GSKIP: variants seen among roughly 807,000 people sequenced by gnomAD.
The protein encoded by GSKIP is GSK3B-interacting protein.
Under a neutral mutation model 11.9 loss-of-function variants are expected in GSKIP, and 5 were observed. The ratio of observed to expected loss-of-function variants is 0.42; its 90% confidence interval spans 0.22 to 0.89. The LOEUF is 0.89. Among genes scored for constraint, GSKIP ranks in the 40% least tolerant of loss-of-function variants. The pLI is 0.29. For missense variants in GSKIP, 150 were observed against 166.6 expected, an observed-to-expected ratio of 0.90 and a Z score of 0.55; for synonymous variants, 70 against 62.9, an observed-to-expected ratio of 1.11 and a Z score of -0.54.
At chr14:96,373,878 A>G (rs1402502389) in intron 1 of GSKIP, among the ~76,000 whole-genome samples, 2 of 152,246 alleles carry the variant, frequency 1.3e-5, no homozygotes, top group African/African-American at 2.4e-5. Context: ...TTTTCTCACC[A>G]TGCGTCTAAC....
chr14:96,373,922 A>G (rs1452401986), intron 1 of GSKIP, among the ~76,000 whole-genome samples: 1 of 152,254 alleles, frequency 6.6e-6, no homozygotes, highest in Non-Finnish European at 1.5e-5. Flanking sequence ...AATAATATAA[A>G]AACATTCAGC....
chr14:96,384,433 T>G, intron 3 of GSKIP, among the ~76,000 whole-genome samples: 1 of 152,098 alleles, frequency 6.6e-6, no homozygotes, highest in East Asian at 1.9e-4. Flanking sequence ...TAACACAAAC[T>G]TTCACCTCCT....
intron 1 of GSKIP, among the ~76,000 whole-genome samples, chr14:96,370,993 A>C (rs766072358): frequency 3.4e-4 from 52 of 152,340 alleles, no homozygotes; most frequent in Admixed American, 8.5e-4. Flanking sequence ...AGCCATTCTT[A>C]CTTGAATTAC....
intron 1 of GSKIP, among the ~76,000 whole-genome samples, chr14:96,375,130 A>G (rs1170902187): frequency 6.6e-6 from 1 of 152,196 alleles, no homozygotes; most frequent in Non-Finnish European, 1.5e-5. Flanking sequence ...TGTATACTAT[A>G]AGCTTTAAAG....
At position 96,363,526 on chromosome 14, in the gene GSKIP, A is replaced by T. The variant is rs1416611379; in HGVS notation, c.-145A>T. 6.5e-6 allele frequency: 1 copy of T among 153,570 alleles called. No individual in the cohort carries two copies. Among genetic ancestry groups the T allele is most frequent in the East Asian group, 1.9e-4 (1 of 5,186 alleles). The allele number at this position is 153,570 out of a possible 1,614,324, so 9.5% of individuals were successfully genotyped here. On this transcript the variant is annotated 5_prime_UTR_variant, in exon 1 of 4. Transcript: ENST00000555181. ...GGGGGCGGCACCGCCGGTCGGCTCC[A>T]GTCGCCTCCGGAGGAAGGAAGAAGA...
At chr14:96,372,127 T>C (rs1005436268) in intron 1 of GSKIP, among the ~76,000 whole-genome samples, 8 of 152,298 alleles carry the variant, frequency 5.3e-5, no homozygotes, top group African/African-American at 1.7e-4. Flanking sequence ...GATATTGATA[T>C]AGTAACAGTG....
In GSKIP at chr14:96,382,430, T is replaced by C. The variant is rs1183916177; in HGVS notation, c.183T>C (p.Asp61=). 1.2e-6 allele frequency: 2 copies of C among 1,613,150 alleles called. No individual in the cohort carries two copies. Among genetic ancestry groups the C allele is most frequent in the African/African-American group, 1.3e-5 (1 of 74,884 alleles). ...MFVSKSLRCA[D]DVAYINVETK... ...TCTCGAAAAGCCTGCGGTGTGCGGA[T>C]GATGTGGCCTATATCAATGTGGAAA... Residue 61 remains aspartate, a synonymous_variant, in exon 3 of 4, where the codon GAT becomes GAC. Coordinates refer to ENST00000555181, the MANE Select transcript of GSKIP (RefSeq NM_016472.5).
In GSKIP at chr14:96,386,649, A is replaced by G. The variant is rs553147938; in HGVS notation, c.*965A>G. On this transcript the variant is annotated 3_prime_UTR_variant, in exon 4 of 4. Coordinates refer to ENST00000555181, the MANE Select transcript of GSKIP (RefSeq NM_016472.5). ...AACAGATGTACAGTGTTCTGTCTCC[A>G]TTCGAAATCTACAATGTAATATGAG... 5 of 152,768 alleles carry G rather than the reference A, an allele frequency of 3.3e-5. No homozygotes were observed. The East Asian group carries it at 5.8e-4, about 18-fold the overall frequency. The allele number at this position is 152,768 out of a possible 1,614,324, so 9.5% of individuals were successfully genotyped here. A position where few individuals can be genotyped will look rare whatever the true frequency, so the allele number is the denominator to read the frequency against.
At chr14:96,368,184 CTTTTT>C (rs398057422) in intron 1 of GSKIP, among the ~76,000 whole-genome samples, 1 of 133,454 alleles carries the variant, frequency 7.5e-6, no homozygotes, top group African/African-American at 2.8e-5. Flanking sequence ...TATTGCTACT[CTTTTT>C]TTTTTTTTTT....
intron 2 of GSKIP, among the ~76,000 whole-genome samples, chr14:96,380,507 G>A (rs944811763): frequency 5.9e-5 from 9 of 152,204 alleles, no homozygotes; most frequent in African/African-American, 2.2e-4. Flanking sequence ...TTTTTCTGCA[G>A]TGAGGAAAAT....
Position 96,385,979 on chromosome 14 carries a change from G to A in GSKIP, c.*295G>A. ...CTATTTCATACTATTACAGGGCTTT[G>A]ATGCTGCCAGCACTGTCTTTTACAT... is the stretch of plus-strand genomic sequence containing the variant. On this transcript the variant is annotated 3_prime_UTR_variant, in exon 4 of 4. Coordinates refer to ENST00000555181, the MANE Select transcript of GSKIP (RefSeq NM_016472.5). 3.8e-6 allele frequency: 1 copy of A among 263,692 alleles called. No homozygotes were observed. 16.3% of individuals were successfully genotyped at this position (263,692 alleles called of 1,614,324 possible).
At chr14:96,368,012 TTAAATA>T (rs1242524060) in intron 1 of GSKIP, among the ~76,000 whole-genome samples, 1 of 152,172 alleles carries the variant, frequency 6.6e-6, no homozygotes, top group Non-Finnish European at 1.5e-5. Flanking sequence ...AGAATGTACT[TTAAATA>T]TAGTGCCAAG....
intron 1 of GSKIP, among the ~76,000 whole-genome samples, chr14:96,365,563 C>T (rs1349872352): frequency 8.3e-6 from 1 of 121,044 alleles, no homozygotes; most frequent in Non-Finnish European, 1.7e-5. Context: ...GGCACAGTGG[C>T]TCACTCCTGT....
At chr14:96,367,316 A>G (rs1177210394) in intron 1 of GSKIP, among the ~76,000 whole-genome samples, 1 of 152,228 alleles carries the variant, frequency 6.6e-6, no homozygotes, top group Non-Finnish European at 1.5e-5. Context: ...TGGCCAAGCT[A>G]AAATTCTAGC....
intron 1 of GSKIP, among the ~76,000 whole-genome samples, chr14:96,365,793 C>T (rs150541147): frequency 0.022 from 3,273 of 152,016 alleles, 136 homozygotes; most frequent in African/African-American, 0.074. Flanking sequence ...GAGATTGTGC[C>T]ACTGCACTCC....
chr14:96,369,095 T>C (rs1210874385), intron 1 of GSKIP, among the ~76,000 whole-genome samples: 1 of 152,182 alleles, frequency 6.6e-6, no homozygotes, highest in African/African-American at 2.4e-5. Context: ...ACATCACCCT[T>C]GTTACACTGT....
At chr14:96,363,674 CA>C (rs1247782553) in intron 1 of GSKIP, 106 bp downstream of exon 1, 1 of 152,176 alleles carries the variant, frequency 6.6e-6, no homozygotes, top group African/African-American at 2.4e-5. Flanking sequence ...GACGCGACGC[CA>C]TGCAGCTGGC....
intron 1 of GSKIP, among the ~76,000 whole-genome samples, chr14:96,375,209 A>G (rs561236359): frequency 6.6e-6 from 1 of 152,304 alleles, no homozygotes; most frequent in South Asian, 2.1e-4. Flanking sequence ...AATCCTAAAA[A>G]GTGGTTAATT....
At chr14:96,367,446 T>C (rs1040623965) in intron 1 of GSKIP, among the ~76,000 whole-genome samples, 2 of 152,176 alleles carry the variant, frequency 1.3e-5, no homozygotes, top group South Asian at 2.1e-4. Flanking sequence ...GATTAAGATA[T>C]CGTATCCTGC....
Sources: gnomAD v4.1 joint callset for allele counts (sites outside exome capture counted in the v4.1 genomes callset) on GRCh38, gnomAD v4.1.1 for gene constraint, MANE v1.5 for transcripts, NCBI Gene and HGNC (gene_info 2026-07-23, HGNC 2026-07-21) for gene names.